Variants in CHN2 observed in about 807,000 individuals in gnomAD.
The protein encoded by CHN2 is beta-chimaerin.
A neutral mutation model predicts 56.3 loss-of-function variants in CHN2; 35 were observed. The observed-to-expected ratio is 0.62, with a 90% CI of 0.47 to 0.82. The LOEUF (loss-of-function observed/expected upper bound fraction) is 0.82. Among genes scored for constraint, CHN2 ranks in the 40% least tolerant of loss-of-function variants. CHN2 has a pLI of 0.00. For synonymous variants in CHN2, 210 were observed against 212.8 expected, an observed-to-expected ratio of 0.99 and a Z score of 0.12; for missense variants, 491 against 580.5, an observed-to-expected ratio of 0.85 and a Z score of 1.58.
At chr7:29,191,203 A>G (rs1292698324), upstream of CHN2, among the ~76,000 whole-genome samples, 3 of 152,184 alleles carry the variant, frequency 2.0e-5, no homozygotes, top group Admixed American at 6.5e-5. Context: ...AGTCACTGGG[A>G]TTATAGGCAT....
intron 6 of CHN2, among the ~76,000 whole-genome samples, chr7:29,474,735 C>A (rs1389454300): frequency 1.2e-4 from 19 of 152,146 alleles, no homozygotes. Flanking sequence ...CATACAGGAC[C>A]AATGATGACA....
rs1554374673 is a variant in CHN2 at position 29,242,759 on chromosome 7, G to GAGA, written c.49+47770_49+47771insGAA. Among the ~76,000 whole-genome samples, 137 of 59,718 alleles carry GAGA rather than the reference G, an allele frequency of 2.3e-3. 6 individuals carry two copies. Among genetic ancestry groups the GAGA allele is most frequent in the Middle Eastern group, 0.012 (1 of 82 alleles). 39.2% of individuals were successfully genotyped at this position (59,718 alleles called of 152,430 possible). A position where few individuals can be genotyped will look rare whatever the true frequency, so the allele number is the denominator to read the frequency against. On this transcript the variant is annotated intron_variant, in intron 1 of 12. Coordinates refer to ENST00000222792, the MANE Select transcript of CHN2 (RefSeq NM_004067.4). ...AATATACAGAACTGACTTTCCTTCT[G>GAGA]AAAAAAAAAAAAAAAAAAAAAAAAA...
intron 1 of CHN2, among the ~76,000 whole-genome samples, chr7:29,297,566 A>C (rs984496814): frequency 6.6e-6 from 1 of 152,128 alleles, no homozygotes; most frequent in African/African-American, 2.4e-5. Context: ...CATGTATTAA[A>C]ACGAAACAAG....
At chr7:29,221,984 G>T (rs1460506091) in intron 1 of CHN2, among the ~76,000 whole-genome samples, 1 of 152,106 alleles carries the variant, frequency 6.6e-6, no homozygotes, top group East Asian at 1.9e-4. Context: ...CCCAGTAATG[G>T]AATTGCTGGG....
chr7:29,399,017 C>T (rs1458341322), intron 5 of CHN2, among the ~76,000 whole-genome samples: 1 of 152,182 alleles, frequency 6.6e-6, no homozygotes, highest in Non-Finnish European at 1.5e-5. Flanking sequence ...AAACCCACTA[C>T]CATAAACAAT....
intron 6 of CHN2, among the ~76,000 whole-genome samples, chr7:29,442,716 T>C (rs1318400727): frequency 1.3e-5 from 2 of 152,144 alleles, no homozygotes; most frequent in Non-Finnish European, 2.9e-5. Flanking sequence ...TGTGTTCTCA[T>C]GTCAATTTAT....
At position 29,495,112 on chromosome 7, in the gene CHN2, A is replaced by G. The variant is rs541183575; in HGVS notation, c.655-840A>G. ...TTTGTATGGCCCCGATAGACTGCCTATGGTCATTTTAGATTGACCATGGCC... is the reference window on the plus strand; with the variant it reads ...TTTGTATGGCCCCGATAGACTGCCTGTGGTCATTTTAGATTGACCATGGCC... On this transcript the variant is annotated intron_variant, in intron 7 of 12. Transcript: ENST00000222792. Among the ~76,000 whole-genome samples the G allele has an allele frequency of 1.7e-4, 26 of 152,286 alleles. No homozygotes were observed. In the South Asian group the frequency reaches 4.8e-3, roughly 28 times the overall value.
intron 1 of CHN2, among the ~76,000 whole-genome samples, chr7:29,288,107 A>G (rs1321393134): frequency 1.3e-5 from 2 of 152,170 alleles, no homozygotes; most frequent in African/African-American, 4.8e-5. Context: ...ATTAGACATA[A>G]ATAAAAATTT....
chr7:29,291,220 A>C (rs1191407557), intron 1 of CHN2, among the ~76,000 whole-genome samples: 2 of 152,154 alleles, frequency 1.3e-5, no homozygotes, highest in Admixed American at 1.3e-4. Context: ...CACTCACCCA[A>C]CTTCTAAGAT....
chr7:29,419,455 A>G (rs1203928694), intron 6 of CHN2, among the ~76,000 whole-genome samples: 1 of 152,228 alleles, frequency 6.6e-6, no homozygotes, highest in Non-Finnish European at 1.5e-5. Flanking sequence ...CCAAGAGCAC[A>G]GGCAACAAAA....
At chr7:29,158,802 T>C (rs1041386105) in intron 2 of CHN2, among the ~76,000 whole-genome samples, 1 of 152,180 alleles carries the variant, frequency 6.6e-6, no homozygotes, top group East Asian at 1.9e-4. Flanking sequence ...TTCACCCTAT[T>C]TTAAATATTT....
chr7:29,255,359 A>T (rs245973), intron 1 of CHN2, among the ~76,000 whole-genome samples: 64,608 of 152,028 alleles, frequency 0.42, 14,905 homozygotes, highest in East Asian at 0.89. Flanking sequence ...GGCCTGGCCC[A>T]TGTGACCCCC....
At position 29,184,647 on chromosome 7, in the gene CHN2, T is replaced by G. The variant is rs1798486360; in HGVS notation, c.274+37687T>G. 3 of 152,352 alleles carry G rather than the reference T, an allele frequency of 2.0e-5. No homozygotes were observed. The South Asian group carries it at 6.2e-4, about 32-fold the overall frequency. The allele number at this position is 152,352 out of a possible 1,614,324, so 9.4% of individuals were successfully genotyped here. A position where few individuals can be genotyped will look rare whatever the true frequency, so the allele number is the denominator to read the frequency against. ...TCAGCCTTTCTGTTTTCTCCAGGCC[T>G]TCAACTGATGTGATGGGGCCCATCT... On this transcript the variant is annotated intron_variant, in intron 2 of 6. Transcript: ENST00000439384.
intron 1 of CHN2, among the ~76,000 whole-genome samples, chr7:29,310,096 C>T (rs1794476512): frequency 6.6e-6 from 1 of 152,202 alleles, no homozygotes; most frequent in Non-Finnish European, 1.5e-5. Flanking sequence ...CTACATTTAA[C>T]TTACTTTCCC....
At chr7:29,178,840 C>G (rs1797704958) in intron 2 of CHN2, among the ~76,000 whole-genome samples, 1 of 152,038 alleles carries the variant, frequency 6.6e-6, no homozygotes. Context: ...AATAATCAGC[C>G]AATAAAAATG....
intron 3 of CHN2, among the ~76,000 whole-genome samples, chr7:29,393,132 C>T (rs1413570981): frequency 2.0e-5 from 3 of 152,184 alleles, no homozygotes; most frequent in African/African-American, 7.2e-5. Context: ...AATCTTGTCC[C>T]CTGTAGCCTG....
At chr7:29,409,423 ACT>A (rs1210837024) in intron 6 of CHN2, among the ~76,000 whole-genome samples, 1 of 152,138 alleles carries the variant, frequency 6.6e-6, no homozygotes, top group Non-Finnish European at 1.5e-5. Context: ...GAAAAATAAC[ACT>A]GTTTTCCAAA....
At chr7:29,211,319 C>T (rs1784931656) in intron 1 of CHN2, among the ~76,000 whole-genome samples, 1 of 151,870 alleles carries the variant, frequency 6.6e-6, no homozygotes, top group Non-Finnish European at 1.5e-5. Flanking sequence ...ACCTCGTGAT[C>T]CGCCTGCCTC....
intron 9 of CHN2, among the ~76,000 whole-genome samples, 178 bp downstream of exon 9, chr7:29,500,218 C>A (rs1254032456): frequency 1.3e-5 from 2 of 152,208 alleles, no homozygotes; most frequent in East Asian, 3.9e-4. Flanking sequence ...CCAGCTATAT[C>A]AATTTCCATT....
Sources: gnomAD v4.1 joint callset for allele counts (sites outside exome capture counted in the v4.1 genomes callset) on GRCh38, gnomAD v4.1.1 for gene constraint, MANE v1.5 for transcripts, NCBI Gene and HGNC (gene_info 2026-07-23, HGNC 2026-07-21) for gene names.